Variants in OR14L1 observed in about 807,000 individuals in gnomAD.
OR14L1 encodes olfactory receptor family 14 subfamily L member 1, also known as olfactory receptor 14L1.
At chr1:247,617,562 A>G in the OR14L1 span, among the ~76,000 whole-genome samples, 1 of 152,202 alleles carries the variant, frequency 6.6e-6, no homozygotes, top group Non-Finnish European at 1.5e-5. Flanking sequence ...TTTTGGGGTG[A>G]TAGCAGTTCT....
chr1:247,618,560 G>A, the OR14L1 span, among the ~76,000 whole-genome samples: 40 of 151,854 alleles, frequency 2.6e-4, no homozygotes, highest in African/African-American at 8.9e-4. Context: ...AAAGTGAGTC[G>A]CAGATGCTAG....
chr1:247,617,757 TCTATA>T, the OR14L1 span, among the ~76,000 whole-genome samples: 1 of 148,786 alleles, frequency 6.7e-6, no homozygotes, highest in East Asian at 2.0e-4. Context: ...ATTGGATGAG[TCTATA>T]TTTCTTTTCA....
chr1:247,618,448 G>A, the OR14L1 span, among the ~76,000 whole-genome samples: 2 of 152,010 alleles, frequency 1.3e-5, no homozygotes, highest in Non-Finnish European at 1.5e-5. Flanking sequence ...TGATATGGGT[G>A]AAAATCCATT....
At chr1:247,619,742 A>G in the OR14L1 span, 1 of 152,176 alleles carries the variant, frequency 6.6e-6, no homozygotes, top group Non-Finnish European at 1.5e-5. Flanking sequence ...TTCCTAGTTT[A>G]CCTGGCAGCT....
the OR14L1 span, chr1:247,620,137 C>G: frequency 1.3e-5 from 2 of 152,088 alleles, no homozygotes; most frequent in South Asian, 2.1e-4. Flanking sequence ...ATTCTCATTA[C>G]CATTCTGTGG....
At chr1:247,621,957 G>T in the OR14L1 span, 1 of 151,996 alleles carries the variant, frequency 6.6e-6, no homozygotes, top group East Asian at 1.9e-4. Flanking sequence ...GTCCATGGTG[G>T]ACACTTAGAT....
At chr1:247,620,588 A>G in the OR14L1 span, 35,423 of 152,120 alleles carry the variant, frequency 0.23, 4,453 homozygotes, top group East Asian at 0.52. Context: ...TGCTAGATGA[A>G]GAATTTGATT....
chr1:247,621,780 TAAGTGAG>T, the OR14L1 span: 1 of 152,168 alleles, frequency 6.6e-6, no homozygotes, highest in African/African-American at 2.4e-5. Context: ...ATTCCACATA[TAAGTGAG>T]ATCCTGTGGT....
chr1:247,618,488 C>G, the OR14L1 span, among the ~76,000 whole-genome samples: 1 of 151,656 alleles, frequency 6.6e-6, no homozygotes, highest in African/African-American at 2.4e-5. Flanking sequence ...CTATAGAAGT[C>G]TGGGAATGAG....
At chr1:247,619,874 C>CA in the OR14L1 span, 2 of 152,246 alleles carry the variant, frequency 1.3e-5, no homozygotes, top group Admixed American at 6.5e-5. Flanking sequence ...GTCACAATTC[C>CA]AAAATCTATT....
At chr1:247,618,539 T>TA in the OR14L1 span, among the ~76,000 whole-genome samples, 109,396 of 150,780 alleles carry the variant, frequency 0.73, 40,278 homozygotes, top group African/African-American at 0.87. Context: ...AAAGCAAAAT[T>TA]AAAAAAAAAT....
chr1:247,620,044 A>G, the OR14L1 span: 1 of 152,304 alleles, frequency 6.6e-6, no homozygotes, highest in Admixed American at 6.5e-5. Context: ...TGAGGTCATC[A>G]TAAACCAAGG....
At chr1:247,617,151 G>A in the OR14L1 span, 3 of 152,090 alleles carry the variant, frequency 2.0e-5, no homozygotes, top group Non-Finnish European at 4.4e-5. Context: ...TACAAATATT[G>A]AATCACAGCT....
chr1:247,620,439 C>T, the OR14L1 span: 4 of 152,082 alleles, frequency 2.6e-5, no homozygotes, highest in African/African-American at 9.7e-5. Flanking sequence ...CAAATTCTCC[C>T]CCCGTTCTGG....
At chr1:247,619,870 A>G in the OR14L1 span, 1 of 152,216 alleles carries the variant, frequency 6.6e-6, no homozygotes, top group Non-Finnish European at 1.5e-5. Flanking sequence ...CTCTGTCACA[A>G]TTCCAAAATC....
the OR14L1 span, chr1:247,617,344 T>G: frequency 6.6e-6 from 1 of 152,244 alleles, no homozygotes; most frequent in Non-Finnish European, 1.5e-5. Context: ...TTTGAAATTT[T>G]GAATGACTGG....
chr1:247,619,778 T>C, the OR14L1 span: 3 of 152,220 alleles, frequency 2.0e-5, no homozygotes, highest in Non-Finnish European at 4.4e-5. Flanking sequence ...CTAATCATCA[T>C]ACTTACCACT....
the OR14L1 span, among the ~76,000 whole-genome samples, chr1:247,618,469 G>T: frequency 6.6e-6 from 1 of 151,762 alleles, no homozygotes; most frequent in Non-Finnish European, 1.5e-5. Flanking sequence ...TCAGAGTTTG[G>T]CTTAAACACT....
chr1:247,621,110 T>C, the OR14L1 span: 1 of 152,136 alleles, frequency 6.6e-6, no homozygotes, highest in East Asian at 1.9e-4. Flanking sequence ...TCACAAACTA[T>C]AAAGGTTCAC....
Sources: gnomAD v4.1 joint callset for allele counts (sites outside exome capture counted in the v4.1 genomes callset) on GRCh38, gnomAD v4.1.1 for gene constraint, MANE v1.5 for transcripts, NCBI Gene and HGNC (gene_info 2026-07-23, HGNC 2026-07-21) for gene names.